The following RASGEF1C variants were observed in gnomAD, a reference collection of about 807,000 sequenced individuals.
The protein encoded by RASGEF1C is ras-GEF domain-containing family member 1C.
Under a neutral mutation model 58.1 loss-of-function variants are expected in RASGEF1C, and 27 were observed. That is an observed-to-expected ratio of 0.46 (90% confidence interval 0.34 to 0.64). The LOEUF (loss-of-function observed/expected upper bound fraction) is 0.64. Ranked by LOEUF, RASGEF1C falls within the 30% of genes least tolerant of loss-of-function variation. RASGEF1C has a pLI of 0.01. For missense variants in RASGEF1C, 502 were observed against 605.1 expected (o/e 0.83, Z 1.79); for synonymous variants, 243 against 246.3 (o/e 0.99, Z 0.13).
chr5:180,119,290 C>G, intron 8 of RASGEF1C, 56 bp downstream of exon 8: 1 of 1,441,564 alleles, frequency 6.9e-7, no homozygotes, highest in Non-Finnish European at 9.8e-7. Context: ...TGCACCCACT[C>G]CGGCCTCTCG....
At chr5:180,160,060 C>T (rs1025291388) in intron 1 of RASGEF1C, among the ~76,000 whole-genome samples, 2 of 152,202 alleles carry the variant, frequency 1.3e-5, no homozygotes, top group African/African-American at 4.8e-5. Flanking sequence ...GCCTCCAGGG[C>T]TCATGGCTGC....
intron 12 of RASGEF1C, among the ~76,000 whole-genome samples, chr5:180,104,408 A>G (rs892242293): frequency 1.6e-4 from 24 of 152,242 alleles, no homozygotes; most frequent in African/African-American, 4.1e-4. Context: ...GCGAGGACAC[A>G]GCAAGAAGGC....
chr5:180,175,644 G>C (rs1001354251), intron 1 of RASGEF1C, among the ~76,000 whole-genome samples: 1 of 152,300 alleles, frequency 6.6e-6, no homozygotes, highest in East Asian at 1.9e-4. Flanking sequence ...AGTTTAAAAC[G>C]ACCACTTCTC....
In RASGEF1C at chr5:180,125,550, AG is replaced by A. The variant is rs1486627867; in HGVS notation, c.714+2058del. 2.0e-5 allele frequency among the ~76,000 whole-genome samples: 3 copies of A among 152,228 alleles called. No homozygotes were observed. In the East Asian group the frequency reaches 5.8e-4, roughly 29 times the overall value. On this transcript the variant is annotated intron_variant, in intron 6 of 13. Coordinates refer to ENST00000361132, the MANE Select transcript of RASGEF1C (RefSeq NM_175062.4). Reference sequence around the variant, plus strand: ...GTAATCCCAGCACTTTGGGAGTCCAAGGCGGGTGGATCACCTGAGGTCGGGA... The same window carrying A: ...GTAATCCCAGCACTTTGGGAGTCCAAGCGGGTGGATCACCTGAGGTCGGGA...
chr5:180,118,579 C>T (rs1198696594), intron 10 of RASGEF1C, 30 bp downstream of exon 10: 6 of 1,561,370 alleles, frequency 3.8e-6, no homozygotes, highest in Admixed American at 3.7e-5. Flanking sequence ...CCTGCTGCAG[C>T]CCCCCTGGGC....
rs865989367 is a variant in RASGEF1C at position 180,143,796 on chromosome 5, C to A, written c.-6-5738G>T. On this transcript the variant is annotated intron_variant, in intron 1 of 13. Coordinates refer to ENST00000361132, the MANE Select transcript of RASGEF1C (RefSeq NM_175062.4). The surrounding 1 kb of genome is among the most constrained non-coding windows in gnomAD (Gnocchi z 4.3). ...GACCCTGTTCCTGCTGGGGTCCCCA[C>A]ATCCCTCAGCATGGGTGGCTGGCAT... 1.3e-5 allele frequency among the ~76,000 whole-genome samples: 2 copies of A among 152,328 alleles called. No individual in the cohort carries two copies. The highest frequency in any genetic ancestry group is 4.1e-4 in the South Asian group (2 of 4,826).
intron 11 of RASGEF1C, among the ~76,000 whole-genome samples, chr5:180,113,458 G>C (rs1464996756): frequency 3.9e-5 from 2 of 51,254 alleles, no homozygotes; most frequent in Admixed American, 4.3e-4. Flanking sequence ...CGGAGGGACC[G>C]GGGATGGACG....
chr5:180,109,421 G>C (rs966928285), intron 12 of RASGEF1C, among the ~76,000 whole-genome samples: 2 of 152,108 alleles, frequency 1.3e-5, no homozygotes, highest in African/African-American at 2.4e-5. Flanking sequence ...TTGCGCCACT[G>C]CACTCCAGCC....
intron 1 of RASGEF1C, among the ~76,000 whole-genome samples, chr5:180,159,296 C>T (rs1264102861): frequency 7.2e-5 from 11 of 151,996 alleles, no homozygotes; most frequent in African/African-American, 9.7e-5. Context: ...TGCACCACCA[C>T]GCCCGGCTAA....
At chr5:180,179,569 A>G (rs1028563004) in intron 1 of RASGEF1C, among the ~76,000 whole-genome samples, 1 of 152,188 alleles carries the variant, frequency 6.6e-6, no homozygotes, top group Non-Finnish European at 1.5e-5. Flanking sequence ...CTAACCCAGC[A>G]AGAAAGCAGT....
intron 1 of RASGEF1C, among the ~76,000 whole-genome samples, chr5:180,157,470 A>G (rs1561746036): frequency 6.8e-6 from 1 of 147,954 alleles, no homozygotes; most frequent in African/African-American, 2.5e-5. Context: ...AAAAAAAAAA[A>G]TACATAATTA....
At chr5:180,138,838 C>T (rs924479626) in intron 1 of RASGEF1C, among the ~76,000 whole-genome samples, 3 of 152,190 alleles carry the variant, frequency 2.0e-5, no homozygotes, top group Admixed American at 2.0e-4. Context: ...ACATGCCGTT[C>T]CCTCCTGCAG....
chr5:180,190,789 C>T (rs973594438), intron 1 of RASGEF1C, among the ~76,000 whole-genome samples: 1 of 151,886 alleles, frequency 6.6e-6, no homozygotes, highest in African/African-American at 2.4e-5. Flanking sequence ...GTAAAAATTC[C>T]TTAAACACCA....
In RASGEF1C at chr5:180,101,341, A is replaced by G. The variant is rs1765779155; in HGVS notation, c.*160T>C. 1.4e-6 allele frequency: 1 copy of G among 718,844 alleles called. No individual in the cohort carries two copies. The highest frequency in any genetic ancestry group is 2.1e-6 in the Non-Finnish European group (1 of 469,978). The allele number at this position is 718,844 out of a possible 1,614,324, so 44.5% of individuals were successfully genotyped here. A position where few individuals can be genotyped will look rare whatever the true frequency, so the allele number is the denominator to read the frequency against. On this transcript the variant is annotated 3_prime_UTR_variant, in exon 14 of 14. Transcript: ENST00000361132. Reference sequence around the variant, plus strand: ...CCCATAAAAGGTCTCCTGTGCCCGTATGGCCACTGTGGGGGGGGGGGGGGC... The same window carrying G: ...CCCATAAAAGGTCTCCTGTGCCCGTGTGGCCACTGTGGGGGGGGGGGGGGC...
At chr5:180,201,474 GC>G (rs1489019784) in intron 1 of RASGEF1C, among the ~76,000 whole-genome samples, 1 of 152,172 alleles carries the variant, frequency 6.6e-6, no homozygotes, top group Non-Finnish European at 1.5e-5. Flanking sequence ...CGGTTCCCAA[GC>G]CCCCAGCTCC....
At chr5:180,161,246 G>A (rs986487978) in intron 1 of RASGEF1C, among the ~76,000 whole-genome samples, 2 of 152,250 alleles carry the variant, frequency 1.3e-5, no homozygotes, top group African/African-American at 4.8e-5. Flanking sequence ...GAAGGTGCAG[G>A]GAGGCCCTGA....
At chr5:180,167,500 A>G (rs1229920528) in intron 1 of RASGEF1C, among the ~76,000 whole-genome samples, 1 of 152,244 alleles carries the variant, frequency 6.6e-6, no homozygotes, top group East Asian at 1.9e-4. Context: ...AAATAAATAA[A>G]TAAATAATAA....
In RASGEF1C at chr5:180,168,144, A is replaced by T. The variant is rs777595115; in HGVS notation, c.-6-30086T>A. Among the ~76,000 whole-genome samples, 2 of 152,164 alleles carry T rather than the reference A, an allele frequency of 1.3e-5. No homozygotes were observed. The highest frequency in any genetic ancestry group is 2.9e-5 in the Non-Finnish European group (2 of 68,032). On this transcript the variant is annotated intron_variant, in intron 1 of 13. Transcript: ENST00000361132. The surrounding 1 kb of genome is among the most constrained non-coding windows in gnomAD (Gnocchi z 6.0). Reference sequence around the variant, plus strand: ...CAAAACAAAAACAAAAACAAACAAAAAAAAGGCCAGGCGCAGTGGCTCACA... The same window carrying T: ...CAAAACAAAAACAAAAACAAACAAATAAAAGGCCAGGCGCAGTGGCTCACA...
chr5:180,121,680 C>CACACACACACACACACAA, intron 6 of RASGEF1C, among the ~76,000 whole-genome samples: 1 of 28,168 alleles, frequency 3.6e-5, no homozygotes, highest in South Asian at 2.5e-3. Flanking sequence ...CACACACACA[C>CACACACACACACACACAA]ACCCTCATTA....
Sources: gnomAD v4.1 joint callset for allele counts (sites outside exome capture counted in the v4.1 genomes callset) on GRCh38, gnomAD v4.1.1 for gene constraint, Gnocchi (gnomAD v3.1) non-coding constraint, MANE v1.5 for transcripts, NCBI Gene and HGNC (gene_info 2026-07-23, HGNC 2026-07-21) for gene names.